The following ACAD11 variants were observed in gnomAD, a reference collection of about 807,000 sequenced individuals.
ACAD11 encodes acyl-CoA dehydrogenase family member 11.
ACAD11 carries 83 observed loss-of-function variants against 102.2 expected under a neutral mutation model. The ratio of observed to expected loss-of-function variants is 0.81; its 90% CI spans 0.68 to 0.97. The LOEUF is 0.97. ACAD11 is among the 50% of genes least tolerant of loss of function. The pLI, the probability that ACAD11 is intolerant of heterozygous loss-of-function variation, is 0.00. For synonymous variants in ACAD11, 324 were observed against 319.8 expected, an observed-to-expected ratio of 1.01 and a Z score of -0.14; for missense variants, 901 against 951.7, an observed-to-expected ratio of 0.95 and a Z score of 0.70.
intron 17 of ACAD11, among the ~76,000 whole-genome samples, chr3:132,564,568 C>T (rs1304142676): frequency 1.3e-5 from 2 of 152,122 alleles, no homozygotes; most frequent in Non-Finnish European, 2.9e-5. Context: ...CATACTAGAG[C>T]GTGTGGGTCC....
rs1160246967 is a variant in ACAD11, at chr3:132,561,202, A to G, written c.2017T>C (p.Trp673Arg). The G allele has an allele frequency of 3.1e-6, 5 of 1,613,128 alleles. No individual in the cohort carries two copies. The highest frequency in any genetic ancestry group is 1.3e-5 in the African/African-American group (1 of 75,034). ...KLYAHEVVAHWIAESRIAIEK... is the reference protein window; with the variant it reads ...KLYAHEVVAHRIAESRIAIEK... ...ATGGCAATGCGGCTTTCAGCAATCC[A>G]GTGAGCCACAACCTCCTATAGGGGA... The change falls in exon 18 of 20, where the codon TGG becomes CGG. Residue 673 changes from tryptophan (W) to arginine (R), a missense_variant. Trp to Arg is a moderately radical substitution (Grantham distance 101). Coordinates refer to ENST00000264990, the MANE Select transcript of ACAD11 (RefSeq NM_032169.5).
At chr3:132,635,214 G>C (rs1326885612) in intron 5 of ACAD11, among the ~76,000 whole-genome samples, 1 of 152,068 alleles carries the variant, frequency 6.6e-6, no homozygotes, top group Non-Finnish European at 1.5e-5. Flanking sequence ...GGTCCAGAGA[G>C]GGGAACCTTC....
In ACAD11 at chr3:132,605,177, C is replaced by T. The variant is rs139371109; in HGVS notation, c.1443G>A (p.Leu481=). The T allele has an allele frequency of 5.0e-4, 807 of 1,613,242 alleles. 2 individuals carry two copies. The highest frequency in any genetic ancestry group is 6.4e-4 in the Non-Finnish European group (751 of 1,179,466). The change falls in exon 12 of 20, where the codon CTG becomes CTA. Residue 481 remains leucine, a synonymous_variant. Transcript: ENST00000264990. ...PDTGNMEVLH[L]YGSEEQKKQW... Reference sequence around the variant, plus strand: ...GTTTCTTCTGTTCCTCACTTCCATACAGGTGCAGAACCTCCATATTCCCTG... The same window carrying T: ...GTTTCTTCTGTTCCTCACTTCCATATAGGTGCAGAACCTCCATATTCCCTG...
intron 16 of ACAD11, 78 bp from the exon 17 acceptor site, chr3:132,576,004 G>A: frequency 6.6e-7 from 1 of 1,525,870 alleles, no homozygotes; most frequent in Non-Finnish European, 8.9e-7. Context: ...CAAATCCTGG[G>A]AAAGAGATGA....
At chr3:132,591,351 C>A (rs1326538942) in intron 13 of ACAD11, among the ~76,000 whole-genome samples, 1 of 152,084 alleles carries the variant, frequency 6.6e-6, no homozygotes, top group Non-Finnish European at 1.5e-5. Flanking sequence ...TATTCTGTTC[C>A]ATTGGTCTAT....
intron 17 of ACAD11, among the ~76,000 whole-genome samples, chr3:132,574,109 T>C (rs758278548): frequency 2.0e-4 from 31 of 152,342 alleles, no homozygotes; most frequent in Non-Finnish European, 3.1e-4. Flanking sequence ...AATTTTTTAC[T>C]AATGCAGTAT....
intron 7 of ACAD11, among the ~76,000 whole-genome samples, chr3:132,628,741 C>T (rs1939920881): frequency 6.6e-6 from 1 of 152,108 alleles, no homozygotes; most frequent in African/African-American, 2.4e-5. Flanking sequence ...AGTTATTTCA[C>T]CTCTAAAGAT....
intron 1 of ACAD11, among the ~76,000 whole-genome samples, chr3:132,658,574 T>G (rs1221022233): frequency 6.6e-6 from 1 of 152,232 alleles, no homozygotes; most frequent in Admixed American, 6.5e-5. Flanking sequence ...AACTTTGATC[T>G]GTTTCAGTTT....
chr3:132,616,986 C>T lies in ACAD11; in HGVS notation c.1414+1648G>A, dbSNP rs149834676. On this transcript the variant is annotated intron_variant, in intron 11 of 19. Coordinates refer to ENST00000264990, the MANE Select transcript of ACAD11 (RefSeq NM_032169.5). ...AGTCCAGTGTGGAAAATCCAGACTG[C>T]GTTTTGTCTCAGGAGTCCAGTACTG... is the stretch of plus-strand genomic sequence containing the variant. Among the ~76,000 whole-genome samples, 219 of 152,252 alleles carry T rather than the reference C, an allele frequency of 1.4e-3. 2 individuals carry two copies. The highest frequency in any genetic ancestry group is 4.6e-3 in the African/African-American group (189 of 41,538).
At chr3:132,566,296 C>CAAAAAAAAAAAAAAAAAAAAA (rs371477145) in intron 17 of ACAD11, among the ~76,000 whole-genome samples, 17 of 61,848 alleles carry the variant, frequency 2.7e-4, no homozygotes, top group East Asian at 6.2e-4. Flanking sequence ...AAAACAAACT[C>CAAAAAAAAAAAAAAAAAAAAA]AAAAAAACAA....
At chr3:132,658,708 C>A (rs1016975593) in intron 1 of ACAD11, among the ~76,000 whole-genome samples, 1 of 152,098 alleles carries the variant, frequency 6.6e-6, no homozygotes, top group Admixed American at 6.5e-5. Context: ...GTTCCCTGAT[C>A]CATCTCATTT....
intron 17 of ACAD11, 120 bp downstream of exon 17, chr3:132,575,652 T>C: frequency 8.3e-7 from 1 of 1,202,414 alleles, no homozygotes; most frequent in Admixed American, 2.4e-5. Context: ...TAAATATGCC[T>C]TATTGAAAAG....
Position 132,558,824 on chromosome 3 carries a change from T to A in ACAD11, c.*147A>T. The A allele has an allele frequency of 9.7e-6, 6 of 617,872 alleles. No homozygotes were observed. The highest frequency in any genetic ancestry group is 1.7e-5 in the Non-Finnish European group (6 of 354,184). The allele number at this position is 617,872 out of a possible 1,614,324, so 38.3% of individuals were successfully genotyped here. A position where few individuals can be genotyped will look rare whatever the true frequency, so the allele number is the denominator to read the frequency against. On this transcript the variant is annotated 3_prime_UTR_variant, in exon 20 of 20. Coordinates refer to ENST00000264990, the MANE Select transcript of ACAD11 (RefSeq NM_032169.5). ...CCCTTGAAATAATAAAACCCACTGATCAAAATAGATGCTATAATCTTTACC... is the reference window on the plus strand; with the variant it reads ...CCCTTGAAATAATAAAACCCACTGAACAAAATAGATGCTATAATCTTTACC...
intron 8 of ACAD11, 65 bp from the exon 9 acceptor site, chr3:132,626,882 C>A: frequency 2.0e-6 from 3 of 1,499,468 alleles, no homozygotes; most frequent in South Asian, 2.6e-5. Context: ...TTACATATTT[C>A]TAATATAATG....
At chr3:132,604,588 CT>C (rs1312383494) in intron 12 of ACAD11, among the ~76,000 whole-genome samples, 3 of 152,060 alleles carry the variant, frequency 2.0e-5, no homozygotes, top group African/African-American at 7.2e-5. Context: ...GTTCTTAATG[CT>C]TTCTATGTAC....
Position 132,559,088 on chromosome 3 carries a change from G to A in ACAD11, c.2229-3C>T, listed in dbSNP as rs1055446289. On this transcript the variant is annotated splice_polypyrimidine_tract_variant and splice_region_variant and intron_variant, in intron 19 of 19. Coordinates refer to ENST00000264990, the MANE Select transcript of ACAD11 (RefSeq NM_032169.5). ...GCAAAACTCGGGTTATAGCATACCT[G>A]AAAAAGCAAAAGAATCAGGGAACAC... The A allele has an allele frequency of 2.5e-6, 4 of 1,605,730 alleles. No homozygotes were observed. The highest frequency in any genetic ancestry group is 2.6e-6 in the Non-Finnish European group (3 of 1,172,976).
At chr3:132,657,030 T>A (rs1937846781) in intron 1 of ACAD11, among the ~76,000 whole-genome samples, 1 of 152,178 alleles carries the variant, frequency 6.6e-6, no homozygotes, top group African/African-American at 2.4e-5. Context: ...TGAAAATTTA[T>A]CAGTCATTTC....
intron 4 of ACAD11, among the ~76,000 whole-genome samples, chr3:132,640,380 G>A (rs111812170): frequency 0.021 from 3,267 of 152,162 alleles, 59 homozygotes; most frequent in South Asian, 0.073. Context: ...CAGCCACCGC[G>A]CCCAGCCTAC....
At chr3:132,654,105 A>G (rs1283778955) in intron 1 of ACAD11, among the ~76,000 whole-genome samples, 1 of 152,180 alleles carries the variant, frequency 6.6e-6, no homozygotes, top group Non-Finnish European at 1.5e-5. Context: ...TCAGTTCACA[A>G]TAACCCTATT....
Sources: gnomAD v4.1 joint callset for allele counts (sites outside exome capture counted in the v4.1 genomes callset) on GRCh38, gnomAD v4.1.1 for gene constraint, MANE v1.5 for transcripts, NCBI Gene and HGNC (gene_info 2026-07-23, HGNC 2026-07-21) for gene names.